PHLDB2: variants seen among roughly 807,000 people sequenced by gnomAD.
The protein encoded by PHLDB2 is pleckstrin homology like domain family B member 2.
PHLDB2 carries 71 observed loss-of-function variants against 123.6 expected under a neutral mutation model. That is an observed-to-expected ratio of 0.57 (90% CI 0.47 to 0.70). The LOEUF (loss-of-function observed/expected upper bound fraction) is 0.70, where lower values mean the gene tolerates loss of function less well. Among genes scored for constraint, PHLDB2 ranks in the 30% least tolerant of loss-of-function variants. PHLDB2 has a pLI of 0.00. For synonymous variants in PHLDB2, 547 were observed against 541.6 expected (o/e 1.01, Z -0.14); for missense variants, 1,446 against 1,519.5 (o/e 0.95, Z 0.80).
At chr3:111,785,157 G>A (rs1187158272) in intron 1 of PHLDB2, among the ~76,000 whole-genome samples, 1 of 152,084 alleles carries the variant, frequency 6.6e-6, no homozygotes, top group Non-Finnish European at 1.5e-5. Flanking sequence ...AATTTTGCCA[G>A]CAACTTTGGC....
At chr3:111,970,319 A>G (rs940061562) in intron 16 of PHLDB2, among the ~76,000 whole-genome samples, 12 of 152,164 alleles carry the variant, frequency 7.9e-5, no homozygotes, top group African/African-American at 2.9e-4. Flanking sequence ...TAGAAATACT[A>G]TCATTATAGG....
intron 1 of PHLDB2, among the ~76,000 whole-genome samples, chr3:111,795,629 G>A (rs1559835556): frequency 6.6e-6 from 1 of 152,148 alleles, no homozygotes; most frequent in Non-Finnish European, 1.5e-5. Context: ...CACCCACACT[G>A]CCTCCTTTAA....
chr3:111,899,515 A>G (rs1014935162), intron 2 of PHLDB2, among the ~76,000 whole-genome samples: 2 of 152,180 alleles, frequency 1.3e-5, no homozygotes, highest in African/African-American at 2.4e-5. Context: ...TCAGTAAACC[A>G]TGGTAGAAAC....
intron 2 of PHLDB2, among the ~76,000 whole-genome samples, chr3:111,896,487 C>T (rs1282015466): frequency 2.0e-5 from 3 of 152,070 alleles, no homozygotes; most frequent in Non-Finnish European, 4.4e-5. Context: ...GCTGGGATTA[C>T]AGGCAGCTGC....
chr3:111,799,236 A>C (rs2061289290), intron 1 of PHLDB2, among the ~76,000 whole-genome samples: 1 of 152,240 alleles, frequency 6.6e-6, no homozygotes, highest in East Asian at 1.9e-4. Context: ...ACACAGCCAA[A>C]TCATATCACA....
At chr3:111,902,999 T>G (rs931750803) in intron 2 of PHLDB2, among the ~76,000 whole-genome samples, 1 of 152,248 alleles carries the variant, frequency 6.6e-6, no homozygotes, top group Non-Finnish European at 1.5e-5. Context: ...ACAATAGGTT[T>G]AGAGAGACTT....
chr3:111,814,184 G>A (rs1017407047), intron 1 of PHLDB2, among the ~76,000 whole-genome samples: 1 of 152,158 alleles, frequency 6.6e-6, no homozygotes, highest in Non-Finnish European at 1.5e-5. Flanking sequence ...CTGTGAGGGT[G>A]TTGCCAAAAG....
chr3:111,792,486 G>A (rs192702270), intron 1 of PHLDB2, among the ~76,000 whole-genome samples: 10 of 152,172 alleles, frequency 6.6e-5, no homozygotes, highest in East Asian at 1.9e-4. Context: ...TGGAAGAATC[G>A]CTTGAGCCCA....
At chr3:111,880,041 G>T (rs1313328156) in intron 1 of PHLDB2, among the ~76,000 whole-genome samples, 1 of 145,976 alleles carries the variant, frequency 6.9e-6, no homozygotes, top group Non-Finnish European at 1.5e-5. Flanking sequence ...GATTTTCTTG[G>T]CTGGCTGTGT....
At chr3:111,891,924 C>T (rs889955093) in intron 2 of PHLDB2, among the ~76,000 whole-genome samples, 2 of 152,160 alleles carry the variant, frequency 1.3e-5, no homozygotes, top group African/African-American at 4.8e-5. Flanking sequence ...CATTTGGTTA[C>T]GTTGCCAAAA....
At chr3:111,770,201 C>T (rs941685696) in intron 1 of PHLDB2, among the ~76,000 whole-genome samples, 3 of 152,100 alleles carry the variant, frequency 2.0e-5, no homozygotes, top group Non-Finnish European at 2.9e-5. Context: ...GTGCTTATTA[C>T]GTCATCAATG....
chr3:111,877,019 G>T (rs921813659), intron 1 of PHLDB2, among the ~76,000 whole-genome samples: 5 of 152,156 alleles, frequency 3.3e-5, no homozygotes, highest in African/African-American at 1.2e-4. Flanking sequence ...GAACAGTGCT[G>T]CAATAAACAT....
At chr3:111,938,079 C>T (rs753897566) in intron 6 of PHLDB2, among the ~76,000 whole-genome samples, 1 of 152,116 alleles carries the variant, frequency 6.6e-6, no homozygotes, top group African/African-American at 2.4e-5. Context: ...CCTTTTGAGT[C>T]ACCCTTTGTG....
chr3:111,943,725 G>A (rs2070076580), intron 8 of PHLDB2, among the ~76,000 whole-genome samples: 1 of 152,130 alleles, frequency 6.6e-6, no homozygotes. Context: ...GACTAAAGAA[G>A]TGAAAATCTC....
At position 111,830,957 on chromosome 3, in the gene PHLDB2, GAAAGAAAGAA is replaced by G. The variant is rs1201253530; in HGVS notation, c.-48-14862_-48-14853del. ...AAGAAAAGAAGGAAAGAAAGAAAGAGAAAGAAAGAAAGAAAGAAAGAAAGAAAGAAAGAAA... is the reference window on the plus strand; with the variant it reads ...AAGAAAAGAAGGAAAGAAAGAAAGAGAGAAAGAAAGAAAGAAAGAAAGAAA... On this transcript the variant is annotated intron_variant, in intron 1 of 17. Coordinates refer to the PHLDB2 transcript ENST00000393923. Among the ~76,000 whole-genome samples the G allele has an allele frequency of 1.7e-3, 48 of 27,430 alleles. 2 individuals carry two copies. The highest frequency in any genetic ancestry group is 3.2e-3 in the Admixed American group (8 of 2,482). The allele number at this position is 27,430 out of a possible 152,430, so 18.0% of individuals were successfully genotyped here.
At chr3:111,927,530 A>T (rs2068880905) in intron 5 of PHLDB2, among the ~76,000 whole-genome samples, 2 of 152,204 alleles carry the variant, frequency 1.3e-5, no homozygotes, top group Admixed American at 1.3e-4. Context: ...ACAAAAGTGG[A>T]TTTTAATTTT....
At chr3:111,874,251 A>G (rs1243314951) in intron 1 of PHLDB2, among the ~76,000 whole-genome samples, 1 of 152,110 alleles carries the variant, frequency 6.6e-6, no homozygotes, top group Non-Finnish European at 1.5e-5. Flanking sequence ...CTCTCACTGG[A>G]TTCGCCCCAC....
chr3:111,971,993 A>C (rs1296893589), intron 16 of PHLDB2, among the ~76,000 whole-genome samples: 1 of 152,222 alleles, frequency 6.6e-6, no homozygotes, highest in Non-Finnish European at 1.5e-5. Context: ...AATTTACAAT[A>C]GCATCATTGC....
At chr3:111,868,134 C>T (rs2065171755) in intron 1 of PHLDB2, among the ~76,000 whole-genome samples, 1 of 152,136 alleles carries the variant, frequency 6.6e-6, no homozygotes, top group Non-Finnish European at 1.5e-5. Context: ...GCCTCTCCGC[C>T]TCTGCCTCCT....
Sources: allele counts gnomAD v4.1 joint callset (sites outside exome capture counted in the v4.1 genomes callset), GRCh38; gene constraint gnomAD v4.1.1; transcripts MANE v1.5; gene names NCBI Gene and HGNC (gene_info 2026-07-23, HGNC 2026-07-21).